Variants in BAG4 observed in about 807,000 individuals in gnomAD.
The protein encoded by BAG4 is BAG family molecular chaperone regulator 4.
A neutral mutation model predicts 52.1 loss-of-function variants in BAG4; 28 were observed. The ratio of observed to expected loss-of-function variants is 0.54; its 90% CI spans 0.40 to 0.74. The LOEUF is 0.74. Ranked by LOEUF, BAG4 falls within the 30% of genes least tolerant of loss-of-function variation. The probability of loss-of-function intolerance (pLI) is 0.00; values close to 1 mark genes in which losing one functional copy is unlikely to be tolerated. For synonymous variants in BAG4, 208 were observed against 217.0 expected, an observed-to-expected ratio of 0.96 and a Z score of 0.37; for missense variants, 525 against 572.0, an observed-to-expected ratio of 0.92 and a Z score of 0.84.
intron 1 of BAG4, among the ~76,000 whole-genome samples, chr8:38,178,184 C>G (rs1302956158): frequency 6.9e-6 from 1 of 144,900 alleles, no homozygotes; most frequent in Non-Finnish European, 1.5e-5. Context: ...GAGTTGGAGT[C>G]TCGCTCTGTT....
At position 38,185,479 on chromosome 8, in the gene BAG4, G is replaced by T. The variant is rs1455392729; in HGVS notation, c.271-7209G>T. Among the ~76,000 whole-genome samples the T allele has an allele frequency of 2.0e-5, 3 of 152,206 alleles. No homozygotes were observed. The East Asian group carries it at 5.8e-4, about 29-fold the overall frequency. ...AAGAATTCTGTGGACCTAGTCCCCA[G>T]TGAAACTGGTGAACATTAATTTTAA... On this transcript the variant is annotated intron_variant, in intron 1 of 4. Transcript: ENST00000287322.
intron 1 of BAG4, among the ~76,000 whole-genome samples, chr8:38,186,694 G>A (rs1019386162): frequency 6.6e-6 from 1 of 152,186 alleles, no homozygotes; most frequent in Non-Finnish European, 1.5e-5. Flanking sequence ...TACTCAGTCT[G>A]TGGAGCAATT....
rs1009657318 is a variant in BAG4, at chr8:38,208,718, C to G, written c.634-295C>G. Among the ~76,000 whole-genome samples the G allele has an allele frequency of 3.3e-5, 5 of 152,066 alleles. No individual in the cohort carries two copies. The East Asian group carries it at 9.6e-4, about 29-fold the overall frequency. On this transcript the variant is annotated intron_variant, in intron 3 of 4. Coordinates refer to ENST00000287322, the MANE Select transcript of BAG4 (RefSeq NM_004874.4). Reference sequence around the variant, plus strand: ...TTGTGCTTCCTTATAGCATATGGGTCCGTTTGTTTATAGTATCTATGGGAC... The same window carrying G: ...TTGTGCTTCCTTATAGCATATGGGTGCGTTTGTTTATAGTATCTATGGGAC...
intron 1 of BAG4, among the ~76,000 whole-genome samples, chr8:38,188,450 T>C (rs961338603): frequency 6.6e-6 from 1 of 151,924 alleles, no homozygotes; most frequent in African/African-American, 2.4e-5. Context: ...GTGTCAGATA[T>C]GCCAGTTACC....
Position 38,210,206 on chromosome 8 carries a change from A to G in BAG4, c.1087A>G (p.Ser363Gly). 6.2e-7 allele frequency: 1 copy of G among 1,614,234 alleles called. No homozygotes were observed. Among genetic ancestry groups the G allele is most frequent in the Non-Finnish European group, 8.5e-7 (1 of 1,180,052 alleles). Residue 363 changes from serine (S) to glycine (G), a missense_variant, in exon 5 of 5, where the codon AGC (serine) becomes GGC (glycine). This residue lies in a region of BAG4 where 238 missense variants were observed against 305.8 expected (regional missense o/e 0.78). Coordinates refer to ENST00000287322, the MANE Select transcript of BAG4 (RefSeq NM_004874.4). ...CCATCCCAACAATCAAGATCAAAGT[A>G]GCAGTCTTCCTGAAGAATGTGTACC... ...SDHPNNQDQS[S>G]SLPEECVPSD...
At chr8:38,208,784 T>C (rs1171924886) in intron 3 of BAG4, among the ~76,000 whole-genome samples, 1 of 152,206 alleles carries the variant, frequency 6.6e-6, no homozygotes, top group Non-Finnish European at 1.5e-5. Flanking sequence ...GCCTTATTCC[T>C]TCTGAGTTTT....
At chr8:38,198,496 T>G (rs926675116) in intron 2 of BAG4, among the ~76,000 whole-genome samples, 1 of 148,100 alleles carries the variant, frequency 6.8e-6, no homozygotes, top group Non-Finnish European at 1.5e-5. Flanking sequence ...TGTTTTTTGT[T>G]TTTTTTTTTT....
rs1020840389 is a variant in BAG4, at chr8:38,212,723, C to T, written c.*2230C>T. 6.6e-6 allele frequency: 1 copy of T among 152,176 alleles called. No individual in the cohort carries two copies. Among genetic ancestry groups the T allele is most frequent in the Non-Finnish European group, 1.5e-5 (1 of 68,034 alleles). 9.4% of individuals were successfully genotyped at this position (152,176 alleles called of 1,614,324 possible). A position where few individuals can be genotyped will look rare whatever the true frequency, so the allele number is the denominator to read the frequency against. ...CTTGATCACTATGCTAAGGTGGTGT[C>T]TGCTAGGATTCGCTACTGTAAACTT... On this transcript the variant is annotated 3_prime_UTR_variant, in exon 5 of 5. Transcript: ENST00000287322.
Position 38,209,883 on chromosome 8 carries a change from T to A in BAG4, c.889-125T>A, listed in dbSNP as rs878955040. On this transcript the variant is annotated intron_variant, in intron 4 of 4. Coordinates refer to ENST00000287322, the MANE Select transcript of BAG4 (RefSeq NM_004874.4). ...CAAATGATTAAGGAGAGGGGTCCAA[T>A]TTTATTGTTAGGGAATCTTTTCATG... 9.6e-6 allele frequency: 13 copies of A among 1,355,070 alleles called. No individual in the cohort carries two copies. In the South Asian group the frequency reaches 1.8e-4, roughly 19 times the overall value. The allele number at this position is 1,355,070 out of a possible 1,614,324, so 83.9% of individuals were successfully genotyped here.
At chr8:38,179,252 C>CG (rs1157340093) in intron 1 of BAG4, among the ~76,000 whole-genome samples, 1 of 151,972 alleles carries the variant, frequency 6.6e-6, no homozygotes, top group Non-Finnish European at 1.5e-5. Context: ...CTCTGCCTCC[C>CG]GGGGTCAAAG....
At chr8:38,202,833 C>T (rs1011751670) in intron 2 of BAG4, 10 of 152,192 alleles carry the variant, frequency 6.6e-5, no homozygotes, top group African/African-American at 1.9e-4. Flanking sequence ...TGAGCTACCA[C>T]GCCTGGCCAA....
At position 38,207,645 on chromosome 8, in the gene BAG4, G is replaced by A. The variant is rs1803794705; in HGVS notation, c.512G>A (p.Ser171Asn). The change falls in exon 3 of 5, where the codon AGT (serine) becomes AAT (asparagine). Residue 171 changes from serine to asparagine, a missense_variant. Ser to Asn is a conservative substitution (Grantham distance 46). Transcript: ENST00000287322. ...TQTSYSTEVPSTYRSSGNSPT... is the reference protein window; with the variant it reads ...TQTSYSTEVPNTYRSSGNSPT... ...ACCAGTTACTCCACAGAAGTTCCAAGTACTTACCGTTCATCTGGCAACAGC... is the reference window on the plus strand; with the variant it reads ...ACCAGTTACTCCACAGAAGTTCCAAATACTTACCGTTCATCTGGCAACAGC... The A allele has an allele frequency of 6.2e-7, 1 of 1,614,064 alleles. No individual in the cohort carries two copies. Among genetic ancestry groups the A allele is most frequent in the Non-Finnish European group, 8.5e-7 (1 of 1,180,006 alleles).
chr8:38,182,811 A>G (rs936697789), intron 1 of BAG4, among the ~76,000 whole-genome samples: 2 of 151,948 alleles, frequency 1.3e-5, no homozygotes, highest in African/African-American at 2.4e-5. Flanking sequence ...CAAAAGGAGG[A>G]AAAAAAAGAC....
chr8:38,192,354 G>A (rs1012017236), intron 1 of BAG4, among the ~76,000 whole-genome samples: 5 of 152,230 alleles, frequency 3.3e-5, no homozygotes, highest in Admixed American at 3.3e-4. Flanking sequence ...CTTTTTACTA[G>A]GTAATAATTG....
intron 1 of BAG4, among the ~76,000 whole-genome samples, chr8:38,189,979 G>T (rs996157239): frequency 6.6e-6 from 1 of 152,104 alleles, no homozygotes; most frequent in African/African-American, 2.4e-5. Flanking sequence ...TAGAGATGGG[G>T]TTTCACCGTG....
At chr8:38,186,584 A>G (rs1803369479) in intron 1 of BAG4, among the ~76,000 whole-genome samples, 1 of 152,202 alleles carries the variant, frequency 6.6e-6, no homozygotes, top group Non-Finnish European at 1.5e-5. Context: ...GGAGAGAACC[A>G]GGAAAAGAAG....
At chr8:38,204,211 A>G (rs760417383) in intron 2 of BAG4, 1 of 152,336 alleles carries the variant, frequency 6.6e-6, no homozygotes, top group Non-Finnish European at 1.5e-5. Context: ...GAATCAAGGA[A>G]ATTTTCAAGC....
intron 1 of BAG4, among the ~76,000 whole-genome samples, chr8:38,184,267 G>C (rs1463339067): frequency 1.9e-4 from 29 of 151,844 alleles, no homozygotes. Flanking sequence ...AGGAGTTCAA[G>C]ACCAGCCTGG....
At position 38,212,660 on chromosome 8, in the gene BAG4, G is replaced by T. The variant is rs1408860932; in HGVS notation, c.*2167G>T. ...TCTGTGACAGTGTATCATAACAGGG[G>T]ATACCTGATGTTGTAATGTATTTCT... On this transcript the variant is annotated 3_prime_UTR_variant, in exon 5 of 5. Coordinates refer to ENST00000287322, the MANE Select transcript of BAG4 (RefSeq NM_004874.4). 6.6e-6 allele frequency: 1 copy of T among 152,136 alleles called. No individual in the cohort carries two copies. Among genetic ancestry groups the T allele is most frequent in the Non-Finnish European group, 1.5e-5 (1 of 68,018 alleles). The allele number at this position is 152,136 out of a possible 1,614,324, so 9.4% of individuals were successfully genotyped here.
Sources: allele counts gnomAD v4.1 joint callset (sites outside exome capture counted in the v4.1 genomes callset), GRCh38; gene constraint gnomAD v4.1.1; regional missense constraint gnomAD v4.1.1; transcripts MANE v1.5; gene names NCBI Gene and HGNC (gene_info 2026-07-23, HGNC 2026-07-21).